Variants in CENPP observed in about 807,000 individuals in gnomAD.
The protein encoded by CENPP is centromere protein P.
In CENPP, 24 loss-of-function variants were observed where a neutral mutation model predicts 35.6. The observed-to-expected ratio is 0.67, with a 90% CI of 0.49 to 0.95. The LOEUF (loss-of-function observed/expected upper bound fraction) is 0.95. CENPP is among the 40% of genes least tolerant of loss of function. CENPP has a pLI of 0.00. For synonymous variants in CENPP, 120 were observed against 125.5 expected (o/e 0.96, Z 0.29); for missense variants, 332 against 345.3 (o/e 0.96, Z 0.31).
chr9:92,491,180 A>G (rs1357216737), intron 5 of CENPP, among the ~76,000 whole-genome samples: 1 of 152,228 alleles, frequency 6.6e-6, no homozygotes, highest in East Asian at 1.9e-4. Context: ...AAAGTAATCA[A>G]TACCTAACTA....
intron 5 of CENPP, among the ~76,000 whole-genome samples, chr9:92,463,448 C>T (rs1429845637): frequency 6.6e-6 from 1 of 152,208 alleles, no homozygotes; most frequent in Non-Finnish European, 1.5e-5. Context: ...ATCTTGAAAA[C>T]TCATGAGAAG....
At chr9:92,453,805 A>G (rs971053128) in intron 5 of CENPP, among the ~76,000 whole-genome samples, 12 of 152,138 alleles carry the variant, frequency 7.9e-5, no homozygotes, top group African/African-American at 2.9e-4. Flanking sequence ...AAGGGAAACG[A>G]AAATTGAAAT....
chr9:92,412,104 T>C (rs1007601542), intron 5 of CENPP, among the ~76,000 whole-genome samples: 4 of 152,114 alleles, frequency 2.6e-5, no homozygotes, highest in Non-Finnish European at 5.9e-5. Context: ...TATTTATTTT[T>C]AGAGACGGGG....
chr9:92,584,554 T>G (rs1850499653), intron 5 of CENPP, among the ~76,000 whole-genome samples: 1 of 152,092 alleles, frequency 6.6e-6, no homozygotes, highest in Admixed American at 6.6e-5. Flanking sequence ...TCACTATGAC[T>G]GGTCTTGAAC....
chr9:92,554,365 T>C (rs1352123935), intron 5 of CENPP, among the ~76,000 whole-genome samples: 1 of 152,086 alleles, frequency 6.6e-6, no homozygotes, highest in Admixed American at 6.5e-5. Context: ...TTGTATTTGG[T>C]AAAGATGGGG....
At chr9:92,532,013 A>ATTTTTTTTTTTTT (rs1368397928) in intron 5 of CENPP, among the ~76,000 whole-genome samples, 1 of 68,948 alleles carries the variant, frequency 1.5e-5, no homozygotes, top group Non-Finnish European at 2.7e-5. Context: ...TTTTTATTTA[A>ATTTTTTTTTTTTT]TGTTTTTTTT....
intron 5 of CENPP, among the ~76,000 whole-genome samples, chr9:92,546,944 C>T (rs921388526): frequency 5.9e-5 from 9 of 152,040 alleles, no homozygotes; most frequent in South Asian, 2.1e-4. Context: ...TTTTTTAAGA[C>T]CAGCATAACT....
chr9:92,606,098 T>A (rs58045868), intron 5 of CENPP, among the ~76,000 whole-genome samples: 43,025 of 151,780 alleles, frequency 0.28, 6,913 homozygotes, highest in East Asian at 0.71. Flanking sequence ...CTGTCCCTAT[T>A]AAAAAATACA....
intron 5 of CENPP, chr9:92,527,999 A>G (rs1485956272): frequency 6.6e-6 from 1 of 152,106 alleles, no homozygotes; most frequent in East Asian, 2.1e-4. Context: ...GGAAGCGACC[A>G]TGATGTAACT....
chr9:92,348,019 GTTC>G (rs1364443093), intron 4 of CENPP, among the ~76,000 whole-genome samples: 1 of 151,976 alleles, frequency 6.6e-6, no homozygotes, highest in Non-Finnish European at 1.5e-5. Context: ...TGCCTCCCAA[GTTC>G]AGGCAATTCT....
intron 5 of CENPP, chr9:92,509,774 A>C: frequency 1.9e-6 from 2 of 1,051,150 alleles, no homozygotes; most frequent in Non-Finnish European, 2.6e-6. Context: ...TATCAACTCA[A>C]ATGGTTAAGT....
intron 5 of CENPP, among the ~76,000 whole-genome samples, chr9:92,441,971 G>A (rs1844402654): frequency 6.6e-6 from 1 of 152,078 alleles, no homozygotes; most frequent in Admixed American, 6.6e-5. Flanking sequence ...TTAAAAAGTA[G>A]AGAGAGGTAT....
At chr9:92,410,135 A>G (rs1843406989) in intron 5 of CENPP, among the ~76,000 whole-genome samples, 1 of 152,068 alleles carries the variant, frequency 6.6e-6, no homozygotes, top group Non-Finnish European at 1.5e-5. Flanking sequence ...ACAGGGTTTC[A>G]CCATGTTAGC....
chr9:92,396,761 G>T (rs981271964), intron 5 of CENPP, among the ~76,000 whole-genome samples: 1 of 151,956 alleles, frequency 6.6e-6, no homozygotes, highest in African/African-American at 2.4e-5. Context: ...TAGAGACATG[G>T]TGTCACTATG....
chr9:92,377,615 C>T (rs1461222134), intron 4 of CENPP, among the ~76,000 whole-genome samples: 1 of 152,128 alleles, frequency 6.6e-6, no homozygotes, highest in African/African-American at 2.4e-5. Flanking sequence ...TTCCCAAATT[C>T]CAGTAAAAGT....
intron 1 of CENPP, among the ~76,000 whole-genome samples, chr9:92,326,710 C>A (rs1840529554): frequency 6.6e-6 from 1 of 152,040 alleles, no homozygotes; most frequent in South Asian, 2.1e-4. Flanking sequence ...GGATTGGGAC[C>A]CAAAAATTTT....
At chr9:92,355,063 C>T (rs1841554396) in intron 4 of CENPP, among the ~76,000 whole-genome samples, 1 of 152,168 alleles carries the variant, frequency 6.6e-6, no homozygotes, top group South Asian at 2.1e-4. Flanking sequence ...TGATAAGGGT[C>T]CATGTTCAGC....
chr9:92,475,171 C>A (rs1212586320), intron 5 of CENPP, among the ~76,000 whole-genome samples: 1 of 151,772 alleles, frequency 6.6e-6, no homozygotes, highest in African/African-American at 2.4e-5. Flanking sequence ...CTAAAGTGCA[C>A]AAAGATGTTC....
chr9:92,378,736 A>G (rs1842178791), intron 4 of CENPP, among the ~76,000 whole-genome samples: 1 of 152,218 alleles, frequency 6.6e-6, no homozygotes, highest in Admixed American at 6.5e-5. Flanking sequence ...CATTATTAAC[A>G]TAGATGTACT....
Sources: gnomAD v4.1 joint callset for allele counts (sites outside exome capture counted in the v4.1 genomes callset) on GRCh38, gnomAD v4.1.1 for gene constraint, MANE v1.5 for transcripts, NCBI Gene and HGNC (gene_info 2026-07-23, HGNC 2026-07-21) for gene names.